The following SIL1 variants were observed in gnomAD, a reference collection of about 807,000 sequenced individuals.
SIL1 encodes the protein nucleotide exchange factor SIL1.
A neutral mutation model predicts 49.1 loss-of-function variants in SIL1; 40 were observed. That is an observed-to-expected ratio of 0.81 (90% CI 0.63 to 1.06). The LOEUF (loss-of-function observed/expected upper bound fraction) is 1.06. Ranked by LOEUF, SIL1 falls within the 50% of genes least tolerant of loss-of-function variation. The pLI is 0.00. For synonymous variants in SIL1, 253 were observed against 250.8 expected, an observed-to-expected ratio of 1.01 and a Z score of -0.08; for missense variants, 500 against 572.6, an observed-to-expected ratio of 0.87 and a Z score of 1.29.
At chr5:139,166,518 G>A (rs546241860) in intron 1 of SIL1, among the ~76,000 whole-genome samples, 136 of 152,268 alleles carry the variant, frequency 8.9e-4, no homozygotes, top group African/African-American at 3.1e-3. Flanking sequence ...AAAAATAGGC[G>A]TGGTGATGAG....
At chr5:139,135,851 G>T (rs977149599) in intron 1 of SIL1, among the ~76,000 whole-genome samples, 1 of 152,064 alleles carries the variant, frequency 6.6e-6, no homozygotes, top group African/African-American at 2.4e-5. Flanking sequence ...GATCACTTGA[G>T]GTCAGGAGCT....
chr5:139,011,716 T>G (rs1205693923), intron 7 of SIL1, among the ~76,000 whole-genome samples: 2 of 152,140 alleles, frequency 1.3e-5, no homozygotes, highest in Non-Finnish European at 2.9e-5. Context: ...TTTGTGATGT[T>G]TTGGTTGTGA....
chr5:139,171,059 C>T (rs1751751875), intron 1 of SIL1, among the ~76,000 whole-genome samples: 1 of 151,320 alleles, frequency 6.6e-6, no homozygotes, highest in African/African-American at 2.4e-5. Context: ...GGCCAGCTGC[C>T]CCGTCCGGGA....
chr5:139,181,546 A>G (rs13160445), intron 1 of SIL1, among the ~76,000 whole-genome samples: 53,277 of 152,108 alleles, frequency 0.35, 11,671 homozygotes, highest in South Asian at 0.51. Context: ...AATGATTTCC[A>G]GAGAGTCATT....
chr5:139,023,753 A>G (rs185510312), intron 6 of SIL1, among the ~76,000 whole-genome samples: 1 of 152,258 alleles, frequency 6.6e-6, no homozygotes, highest in African/African-American at 2.4e-5. Context: ...AACTAGTACT[A>G]CATCACCCCA....
intron 7 of SIL1, among the ~76,000 whole-genome samples, chr5:138,981,574 C>A (rs964385048): frequency 5.3e-5 from 8 of 152,244 alleles, no homozygotes; most frequent in Admixed American, 3.3e-4. Flanking sequence ...ACTCCTGATA[C>A]ACATGCACCA....
chr5:139,136,497 CT>C (rs1231061996), intron 1 of SIL1, among the ~76,000 whole-genome samples: 1 of 152,168 alleles, frequency 6.6e-6, no homozygotes, highest in Non-Finnish European at 1.5e-5. Flanking sequence ...CAACTCATGG[CT>C]GCACGTTAGG....
chr5:139,080,239 C>T (rs1770044211), intron 3 of SIL1, among the ~76,000 whole-genome samples: 1 of 152,196 alleles, frequency 6.6e-6, no homozygotes, highest in Non-Finnish European at 1.5e-5. Flanking sequence ...AGTCAACATA[C>T]GTCCATTCAT....
intron 7 of SIL1, among the ~76,000 whole-genome samples, chr5:139,018,590 CAAAA>C (rs34450224): frequency 1.0e-4 from 7 of 69,902 alleles, no homozygotes; most frequent in African/African-American, 1.2e-4. Flanking sequence ...GACCCTGACT[CAAAA>C]AAAAAAAAAA....
chr5:139,125,493 C>T (rs561671083), intron 2 of SIL1, among the ~76,000 whole-genome samples: 3 of 152,180 alleles, frequency 2.0e-5, no homozygotes, highest in Non-Finnish European at 2.9e-5. Flanking sequence ...GCCAGGGCAA[C>T]GTTTTGGGAC....
At chr5:138,966,853 C>T (rs776263236) in intron 7 of SIL1, among the ~76,000 whole-genome samples, 5 of 152,146 alleles carry the variant, frequency 3.3e-5, no homozygotes, top group Non-Finnish European at 7.3e-5. Flanking sequence ...CATGAAAGCT[C>T]TAGAATAGGA....
At chr5:139,038,552 T>A (rs78170701) in intron 5 of SIL1, among the ~76,000 whole-genome samples, 2,265 of 152,338 alleles carry the variant, frequency 0.015, 62 homozygotes, top group African/African-American at 0.053. Context: ...GTTTCTTGTA[T>A]GGGTCACTGA....
chr5:139,041,877 A>C, intron 5 of SIL1, among the ~76,000 whole-genome samples: 1 of 151,964 alleles, frequency 6.6e-6, no homozygotes. Context: ...AGGGAGGGAG[A>C]ACTTAGGTCT....
rs200312457 is a variant in SIL1 at position 139,005,454 on chromosome 5, C to CT, written c.767+15716dup. Among the ~76,000 whole-genome samples, 395 of 144,096 alleles carry CT rather than the reference C, an allele frequency of 2.7e-3. 1 individual carries two copies. Among genetic ancestry groups the CT allele is most frequent in the South Asian group, 5.3e-3 (24 of 4,536 alleles). 94.5% of individuals were successfully genotyped at this position (144,096 alleles called of 152,430 possible). On this transcript the variant is annotated intron_variant, in intron 7 of 9. Coordinates refer to ENST00000394817, the MANE Select transcript of SIL1 (RefSeq NM_022464.5). Reference sequence around the variant, plus strand: ...TTATTTATTTATTTATTTTTTCTTCCTTTTTTTTTTATTATACTTTAAGTT... The same window carrying CT: ...TTATTTATTTATTTATTTTTTCTTCCTTTTTTTTTTTATTATACTTTAAGTT...
chr5:138,947,527 A>T lies in SIL1; in HGVS notation c.1030-54T>A, dbSNP rs1388840798. ...TAGGGTGGGGGTGGGGAGAGAACAC[A>T]CAGGGAGCAGTTAGCTCACACCTGG... On this transcript the variant is annotated intron_variant, in intron 9 of 9. Transcript: ENST00000394817. The surrounding 1 kb of genome is among the most constrained non-coding windows in gnomAD (Gnocchi z 4.1). 1 of 1,520,724 alleles carries T rather than the reference A, an allele frequency of 6.6e-7. No homozygotes were observed. The highest frequency in any genetic ancestry group is 1.4e-5 in the African/African-American group (1 of 73,012). 94.2% of individuals were successfully genotyped at this position (1,520,724 alleles called of 1,614,324 possible).
chr5:138,996,538 T>TG (rs34835180), intron 7 of SIL1, among the ~76,000 whole-genome samples: 4 of 144,502 alleles, frequency 2.8e-5, no homozygotes, highest in Non-Finnish European at 6.0e-5. Flanking sequence ...TTTTTTTTTT[T>TG]GAGACAGAGT....
chr5:139,148,881 T>C (rs1751243757), intron 1 of SIL1, among the ~76,000 whole-genome samples: 1 of 152,178 alleles, frequency 6.6e-6, no homozygotes, highest in Admixed American at 6.5e-5. Flanking sequence ...TAGGAGGCAA[T>C]TCTTTCCAAT....
chr5:139,145,860 G>A (rs1012305645), intron 1 of SIL1, among the ~76,000 whole-genome samples: 1 of 151,502 alleles, frequency 6.6e-6, no homozygotes, highest in Non-Finnish European at 1.5e-5. Context: ...GGGGTTTGAG[G>A]CCAGCCTGGG....
chr5:139,057,314 T>TTAAAAAAAAAAATAA, intron 3 of SIL1, among the ~76,000 whole-genome samples: 1 of 73,382 alleles, frequency 1.4e-5, no homozygotes, highest in African/African-American at 6.0e-5. Flanking sequence ...GAATGATCAA[T>TTAAAAAAAAAAATAA]AAAAAAAAAA....
Sources: allele counts gnomAD v4.1 joint callset (sites outside exome capture counted in the v4.1 genomes callset), GRCh38; gene constraint gnomAD v4.1.1; non-coding constraint Gnocchi (gnomAD v3.1); transcripts MANE v1.5; gene names NCBI Gene and HGNC (gene_info 2026-07-23, HGNC 2026-07-21).